The following RBFOX1 variants were observed in gnomAD, a reference collection of about 807,000 sequenced individuals.
RBFOX1 encodes the protein RNA binding fox-1 homolog 1.
Under a neutral mutation model 57.7 loss-of-function variants are expected in RBFOX1, and 8 were observed. That is an observed-to-expected ratio of 0.14 (90% CI 0.08 to 0.25). RBFOX1 has a LOEUF of 0.25. Ranked by LOEUF, RBFOX1 falls within the 10% of genes least tolerant of loss-of-function variation. The pLI, the probability that RBFOX1 is intolerant of heterozygous loss-of-function variation, is 1.00. For synonymous variants in RBFOX1, 326 were observed against 222.4 expected, an observed-to-expected ratio of 1.47 and a Z score of -4.15; for missense variants, 611 against 548.5, an observed-to-expected ratio of 1.11 and a Z score of -1.14.
At chr16:6,141,055 T>C (rs2096712085) in intron 1 of RBFOX1, among the ~76,000 whole-genome samples, 1 of 152,148 alleles carries the variant, frequency 6.6e-6, no homozygotes, top group Non-Finnish European at 1.5e-5. Flanking sequence ...CTCTGCGTCA[T>C]TTTCATCCTC....
chr16:7,459,642 G>C (rs1406155257), intron 4 of RBFOX1, among the ~76,000 whole-genome samples: 1 of 152,148 alleles, frequency 6.6e-6, no homozygotes, highest in Non-Finnish European at 1.5e-5. Context: ...ATTCTACTAT[G>C]CTGTGTCTGT....
intron 4 of RBFOX1, among the ~76,000 whole-genome samples, chr16:7,196,708 G>T (rs1210914800): frequency 6.6e-6 from 1 of 152,192 alleles, no homozygotes; most frequent in Non-Finnish European, 1.5e-5. Flanking sequence ...TGTACAGAGG[G>T]TCAGGAGTCA....
At chr16:6,766,418 C>G (rs2077338019) in intron 3 of RBFOX1, among the ~76,000 whole-genome samples, 1 of 152,086 alleles carries the variant, frequency 6.6e-6, no homozygotes, top group South Asian at 2.1e-4. Flanking sequence ...CCTGGGAGGC[C>G]TTTCAAAGGT....
In RBFOX1 at chr16:6,922,193, C is replaced by T. The variant is rs552808519; in HGVS notation, c.-15-129864C>T. Among the ~76,000 whole-genome samples the T allele has an allele frequency of 4.7e-4, 71 of 152,248 alleles. 2 individuals are homozygous for T. The highest frequency in any genetic ancestry group is 3.9e-3 in the South Asian group (19 of 4,824). ...TGGATCCTGGGGGGTAGGTGCAATT[C>T]AGTGGTTCTTGCTACAATGGAGAGG... On this transcript the variant is annotated intron_variant, in intron 3 of 15. Coordinates refer to ENST00000550418, the MANE Select transcript of RBFOX1 (RefSeq NM_018723.4).
intron 1 of RBFOX1, among the ~76,000 whole-genome samples, chr16:6,109,928 G>A (rs904365778): frequency 1.2e-4 from 18 of 152,078 alleles, no homozygotes; most frequent in South Asian, 2.1e-4. Flanking sequence ...TCCAGTTGTA[G>A]CCCTGTGGTT....
intron 4 of RBFOX1, among the ~76,000 whole-genome samples, chr16:7,058,006 G>GGA (rs747269911): frequency 6.6e-5 from 9 of 136,668 alleles, no homozygotes; most frequent in African/African-American, 1.1e-4. Flanking sequence ...AGACTGTGGG[G>GGA]AAAAAAAAAA....
At chr16:5,912,312 A>G (rs778159414) in intron 4 of RBFOX1, among the ~76,000 whole-genome samples, 1 of 152,172 alleles carries the variant, frequency 6.6e-6, no homozygotes, top group Admixed American at 6.5e-5. Flanking sequence ...TTGACACATA[A>G]TAAATGTTAG....
intron 1 of RBFOX1, among the ~76,000 whole-genome samples, chr16:6,214,916 G>A (rs1362604504): frequency 8.0e-6 from 1 of 125,688 alleles, no homozygotes; most frequent in Non-Finnish European, 1.7e-5. Context: ...GAAGGAGAGG[G>A]GGAGAGGGAG....
chr16:7,646,218 T>C (rs1376149917), intron 11 of RBFOX1, among the ~76,000 whole-genome samples: 1 of 152,230 alleles, frequency 6.6e-6, no homozygotes, highest in African/African-American at 2.4e-5. Context: ...CATTGTGATG[T>C]TCATTGCACG....
intron 11 of RBFOX1, among the ~76,000 whole-genome samples, chr16:7,633,639 C>G (rs755426855): frequency 6.6e-6 from 1 of 152,088 alleles, no homozygotes; most frequent in South Asian, 2.1e-4. Flanking sequence ...CTTCACTTGT[C>G]GAGGCTTAAG....
chr16:7,343,368 C>T (rs2096934109), intron 4 of RBFOX1, among the ~76,000 whole-genome samples: 1 of 152,144 alleles, frequency 6.6e-6, no homozygotes, highest in Non-Finnish European at 1.5e-5. Flanking sequence ...GACTCCAGAA[C>T]ATCTGCATCA....
At chr16:6,581,471 C>G (rs2097536667) in intron 2 of RBFOX1, among the ~76,000 whole-genome samples, 1 of 152,222 alleles carries the variant, frequency 6.6e-6, no homozygotes, top group Admixed American at 6.5e-5. Flanking sequence ...GGAAACAAGC[C>G]TTGCTCTTTT....
intron 2 of RBFOX1, among the ~76,000 whole-genome samples, chr16:6,532,301 C>G (rs1476995430): frequency 2.0e-5 from 3 of 152,128 alleles, no homozygotes; most frequent in African/African-American, 7.2e-5. Flanking sequence ...AAAGGAAGCA[C>G]CAACCAGTGA....
intron 2 of RBFOX1, among the ~76,000 whole-genome samples, chr16:5,506,451 C>G (rs1339715096): frequency 6.6e-6 from 1 of 152,148 alleles, no homozygotes; most frequent in Non-Finnish European, 1.5e-5. Context: ...TACGTGAACC[C>G]AGACCAGAGA....
intron 3 of RBFOX1, among the ~76,000 whole-genome samples, chr16:6,850,693 G>GA (rs1245337819): frequency 2.0e-5 from 3 of 151,880 alleles, no homozygotes; most frequent in Non-Finnish European, 2.9e-5. Context: ...TAGCTATGCA[G>GA]AAAAAAAATC....
intron 4 of RBFOX1, among the ~76,000 whole-genome samples, chr16:7,382,547 G>T (rs928061924): frequency 6.6e-6 from 1 of 152,176 alleles, no homozygotes; most frequent in Non-Finnish European, 1.5e-5. Context: ...ATAACTCACC[G>T]AATTGATTCC....
intron 1 of RBFOX1, among the ~76,000 whole-genome samples, chr16:6,302,368 G>A (rs145016166): frequency 4.0e-4 from 61 of 152,076 alleles, no homozygotes; most frequent in African/African-American, 1.3e-3. Context: ...CTGGAGCATT[G>A]TACCAAATGG....
At chr16:6,902,440 T>C (rs568491756) in intron 3 of RBFOX1, among the ~76,000 whole-genome samples, 2 of 152,202 alleles carry the variant, frequency 1.3e-5, no homozygotes, top group South Asian at 4.2e-4. Context: ...AAAAGGTGGT[T>C]TTGCCAGGTG....
At chr16:7,028,059 C>G (rs1171700085) in intron 3 of RBFOX1, among the ~76,000 whole-genome samples, 3 of 152,054 alleles carry the variant, frequency 2.0e-5, no homozygotes, top group African/African-American at 4.8e-5. Context: ...AGAAAGTGTT[C>G]GCAGCCCTGA....
Sources: gnomAD v4.1 joint callset for allele counts (sites outside exome capture counted in the v4.1 genomes callset) on GRCh38, gnomAD v4.1.1 for gene constraint, MANE v1.5 for transcripts, NCBI Gene and HGNC (gene_info 2026-07-23, HGNC 2026-07-21) for gene names.